Variants in ZNF808 observed in about 807,000 individuals in gnomAD.
The protein encoded by ZNF808 is zinc finger protein 808.
Under a neutral mutation model 8.7 loss-of-function variants are expected in ZNF808, and 5 were observed. That is an observed-to-expected ratio of 0.58 (90% CI 0.30 to 1.21). The LOEUF is 1.21. Among genes scored for constraint, ZNF808 ranks in the 50% most tolerant of loss-of-function variants. The pLI is 0.07. For synonymous variants in ZNF808, 380 were observed against 366.0 expected (o/e 1.04, Z -0.44); for missense variants, 1,103 against 1,098.4 (o/e 1.00, Z -0.06).
downstream of ZNF808, among the ~76,000 whole-genome samples, chr19:52,558,747 G>A (rs1035212295): frequency 3.9e-5 from 6 of 152,212 alleles, no homozygotes; most frequent in Non-Finnish European, 8.8e-5. Flanking sequence ...GTAGAAAGAA[G>A]TAGACATAAG....
downstream of ZNF808, among the ~76,000 whole-genome samples, chr19:52,560,819 CTGCCCTCCACCCT>C (rs2059853796): frequency 6.6e-6 from 1 of 152,160 alleles, no homozygotes; most frequent in Admixed American, 6.6e-5. Flanking sequence ...GTGCCCATTC[CTGCCCTCCACCCT>C]TGCCCTCCTT....
rs2059654566 is a variant in ZNF808, at chr19:52,539,968, C to T, written c.-19-3298C>T. Among the ~76,000 whole-genome samples, 4 of 152,066 alleles carry T rather than the reference C, an allele frequency of 2.6e-5. No individual in the cohort carries two copies. In the South Asian group the frequency reaches 8.3e-4, roughly 32 times the overall value. On this transcript the variant is annotated intron_variant, in intron 2 of 4. Coordinates refer to ENST00000359798, the MANE Select transcript of ZNF808 (RefSeq NM_001039886.4). ...CAAGTGATTTTCCCACCTCAGCCTC[C>T]GGAGTAGCTGGGGCCACAGACACAC...
At chr19:52,557,393 A>C (rs1263401441), downstream of ZNF808, among the ~76,000 whole-genome samples, 2 of 151,730 alleles carry the variant, frequency 1.3e-5, no homozygotes, top group Non-Finnish European at 2.9e-5. Flanking sequence ...CAGCATACCG[A>C]GTAGTTGGGA....
chr19:52,543,328 C>T lies in ZNF808; in HGVS notation c.44C>T (p.Ser15Leu). 4 of 1,613,436 alleles carry T rather than the reference C, an allele frequency of 2.5e-6. No individual in the cohort carries two copies. Among genetic ancestry groups the T allele is most frequent in the Non-Finnish European group, 3.4e-6 (4 of 1,179,764 alleles). ...GCTCAGAAGAGGAAAGGAAAGGAGTCAGGCATGGCTCTTCCTCAGGTGAAG... is the reference window on the plus strand; with the variant it reads ...GCTCAGAAGAGGAAAGGAAAGGAGTTAGGCATGGCTCTTCCTCAGGTGAAG... Reference protein sequence around the residue: ...EAAQKRKGKESGMALPQGRLT... With the variant: ...EAAQKRKGKELGMALPQGRLT... The change falls in exon 3 of 5, where the codon TCA becomes TTA. Residue 15 changes from serine to leucine, a missense_variant. Physicochemically the swap from Ser to Leu is moderately radical, Grantham distance 145 (BLOSUM62 -2). Transcript: ENST00000359798.
intron 1 of ZNF808, among the ~76,000 whole-genome samples, chr19:52,530,738 CTTTGGGAGCAAATCACTGAAGGCCA>C (rs2059554720): frequency 6.6e-6 from 1 of 152,122 alleles, no homozygotes; most frequent in African/African-American, 2.4e-5. Flanking sequence ...AATCCCAGCA[CTTTGGGAGCAAATCACTGAAGGCCA>C]GGAGCTCGAG....
At position 52,555,128 on chromosome 19, in the gene ZNF808, A is replaced by T. The variant is rs368954380; in HGVS notation, c.2212A>T (p.Ser738Cys). 1.1e-5 allele frequency: 18 copies of T among 1,614,148 alleles called. No individual in the cohort carries two copies. The highest frequency in any genetic ancestry group is 1.4e-5 in the Non-Finnish European group (17 of 1,180,004). Residue 738 changes from serine to cysteine, a missense_variant, in exon 5 of 5, where the codon AGT (serine) becomes TGT (cysteine). Transcript: ENST00000359798. The part of the protein sequence containing the change: ...IHSGEKPYKC[S>C]ECSKTFSQKA... ...TAGTGGTGAGAAACCTTACAAGTGTAGTGAGTGCAGCAAGACGTTCAGTCA... is the reference window on the plus strand; with the variant it reads ...TAGTGGTGAGAAACCTTACAAGTGTTGTGAGTGCAGCAAGACGTTCAGTCA...
intron 4 of ZNF808, among the ~76,000 whole-genome samples, chr19:52,551,787 A>G (rs973254717): frequency 1.3e-4 from 18 of 134,386 alleles, no homozygotes; most frequent in African/African-American, 2.9e-4. Flanking sequence ...TGGATTACTT[A>G]AGGTCAGGAG....
At chr19:52,564,579 T>A (rs192452947), downstream of ZNF808, 1 of 162,500 alleles carries the variant, frequency 6.2e-6, no homozygotes, top group East Asian at 1.9e-4. Context: ...GACCAGGAGT[T>A]TCCTGGGAAT....
chr19:52,551,614 A>T (rs910347829), intron 4 of ZNF808, among the ~76,000 whole-genome samples: 1 of 151,980 alleles, frequency 6.6e-6, no homozygotes, highest in Non-Finnish European at 1.5e-5. Flanking sequence ...TGGTTTTATC[A>T]TGGGTTACAA....
At chr19:52,545,337 A>G (rs326438) in intron 3 of ZNF808, among the ~76,000 whole-genome samples, 52,493 of 151,208 alleles carry the variant, frequency 0.35, 10,050 homozygotes, top group East Asian at 0.52. Context: ...GGGTAACGCC[A>G]TGATGTGATG....
At chr19:52,539,611 A>G (rs867864722) in intron 2 of ZNF808, among the ~76,000 whole-genome samples, 2 of 127,636 alleles carry the variant, frequency 1.6e-5, no homozygotes, top group African/African-American at 3.2e-5. Context: ...GTGAAGTGCA[A>G]TGGTGCGATC....
chr19:52,542,741 A>G (rs1387205298), intron 2 of ZNF808, among the ~76,000 whole-genome samples: 2 of 152,236 alleles, frequency 1.3e-5, no homozygotes, highest in African/African-American at 4.8e-5. Context: ...CAAAGGCAGG[A>G]AGACTTGAAG....
Position 52,554,313 on chromosome 19 carries a change from G to A in ZNF808, c.1397G>A (p.Cys466Tyr), listed in dbSNP as rs1195017594. ...KCKVCDTAFTCNSQLARHRRI... is the reference protein window; with the variant it reads ...KCKVCDTAFTYNSQLARHRRI... The stretch of plus-strand genomic sequence containing the variant: ...AAGGTTTGTGATACAGCTTTCACGT[G>A]TAATTCACAGCTGGCACGACATAGA... Residue 466 changes from cysteine to tyrosine, a missense_variant, in exon 5 of 5, where the codon TGT becomes TAT. Transcript: ENST00000359798. 13 of 1,614,028 alleles carry A rather than the reference G, an allele frequency of 8.1e-6. No homozygotes were observed. The East Asian group carries it at 1.1e-4, about 14-fold the overall frequency.
At chr19:52,540,898 T>G (rs1341016404) in intron 2 of ZNF808, among the ~76,000 whole-genome samples, 3 of 152,218 alleles carry the variant, frequency 2.0e-5, no homozygotes, top group Non-Finnish European at 2.9e-5. Context: ...ACCTTACAAC[T>G]TGAAAGAAGT....
At position 52,553,790 on chromosome 19, in the gene ZNF808, T is replaced by A. The variant is rs759669630; in HGVS notation, c.874T>A (p.Cys292Ser). The A allele has an allele frequency of 2.2e-5, 35 of 1,613,938 alleles. No individual in the cohort carries two copies. In the South Asian group the frequency reaches 3.8e-4, roughly 18 times the overall value. ...TGEKPYKCKECGKSFSYKSSL... is the reference protein window; with the variant it reads ...TGEKPYKCKESGKSFSYKSSL... ...AGAGAAACCTTACAAGTGTAAAGAG[T>A]GTGGAAAGTCCTTCAGTTACAAGTC... The change falls in exon 5 of 5, where the codon TGT becomes AGT. Residue 292 changes from cysteine (C) to serine (S), a missense_variant. Transcript: ENST00000359798.
At chr19:52,548,389 C>T (rs2059743848) in intron 4 of ZNF808, among the ~76,000 whole-genome samples, 1 of 152,176 alleles carries the variant, frequency 6.6e-6, no homozygotes, top group Admixed American at 6.6e-5. Flanking sequence ...CTGTCATTTC[C>T]TTAAGACACA....
downstream of ZNF808, among the ~76,000 whole-genome samples, chr19:52,567,190 G>C (rs928273943): frequency 6.6e-6 from 1 of 151,970 alleles, no homozygotes; most frequent in African/African-American, 2.4e-5. Context: ...GATCTCAGGT[G>C]ATGCCCCCAC....
chr19:52,556,291 T>C lies in ZNF808; in HGVS notation c.*663T>C, dbSNP rs2059835336. 1 of 165,716 alleles carries C rather than the reference T, an allele frequency of 6.0e-6. No homozygotes were observed. Among genetic ancestry groups the C allele is most frequent in the Admixed American group, 6.0e-5 (1 of 16,782 alleles). The allele number at this position is 165,716 out of a possible 1,614,324, so 10.3% of individuals were successfully genotyped here. A position where few individuals can be genotyped will look rare whatever the true frequency, so the allele number is the denominator to read the frequency against. On this transcript the variant is annotated 3_prime_UTR_variant, in exon 5 of 5. Transcript: ENST00000359798. ...CATGGCCAACAGATGTCGGCCACTTTCGCCATCCTGTTTTTTGTTTCTTAT... is the reference window on the plus strand; with the variant it reads ...CATGGCCAACAGATGTCGGCCACTTCCGCCATCCTGTTTTTTGTTTCTTAT...
At chr19:52,528,711 A>G (rs550947560) in intron 1 of ZNF808, among the ~76,000 whole-genome samples, 13 of 152,098 alleles carry the variant, frequency 8.5e-5, no homozygotes, top group East Asian at 5.8e-4. Flanking sequence ...CGAGGGAGAA[A>G]CACAGCAGGG....
Sources: gnomAD v4.1 joint callset for allele counts (sites outside exome capture counted in the v4.1 genomes callset) on GRCh38, gnomAD v4.1.1 for gene constraint, MANE v1.5 for transcripts, NCBI Gene and HGNC (gene_info 2026-07-23, HGNC 2026-07-21) for gene names.